Variants in SLC36A3 observed in about 807,000 individuals in gnomAD.
The protein encoded by SLC36A3 is proton-coupled amino acid transporter 3.
Under a neutral mutation model 44.3 loss-of-function variants are expected in SLC36A3, and 35 were observed. The ratio of observed to expected loss-of-function variants is 0.79; its 90% confidence interval spans 0.60 to 1.05. The LOEUF is 1.05. Ranked by LOEUF, SLC36A3 falls within the 50% of genes least tolerant of loss-of-function variation. The probability of loss-of-function intolerance (pLI) is 0.00; values close to 1 mark genes in which losing one functional copy is unlikely to be tolerated. For synonymous variants in SLC36A3, 211 were observed against 227.6 expected, an observed-to-expected ratio of 0.93 and a Z score of 0.66; for missense variants, 540 against 578.7, an observed-to-expected ratio of 0.93 and a Z score of 0.69.
intron 2 of SLC36A3, chr5:151,297,517 T>C (rs182451609): frequency 6.6e-6 from 1 of 152,342 alleles, no homozygotes; most frequent in East Asian, 1.9e-4. Flanking sequence ...AATGGAATTA[T>C]ATATTTGGTA....
In SLC36A3 at chr5:151,303,462, C is replaced by T; in HGVS notation, c.-108G>A. 7.8e-7 allele frequency: 1 copy of T among 1,276,606 alleles called. No homozygotes were observed. The highest frequency in any genetic ancestry group is 1.1e-6 in the Non-Finnish European group (1 of 920,404). 79.1% of individuals were successfully genotyped at this position (1,276,606 alleles called of 1,614,324 possible). A position where few individuals can be genotyped will look rare whatever the true frequency, so the allele number is the denominator to read the frequency against. On this transcript the variant is annotated 5_prime_UTR_variant, in exon 1 of 10. Coordinates refer to ENST00000335230, the MANE Select transcript of SLC36A3 (RefSeq NM_181774.4). Reference sequence around the variant, plus strand: ...TGGCTGCTGACCTGAGATGCTGGCTCCTAACCCCAAGGATGCGTGCTGCTG... The same window carrying T: ...TGGCTGCTGACCTGAGATGCTGGCTTCTAACCCCAAGGATGCGTGCTGCTG...
At position 151,293,350 on chromosome 5, in the gene SLC36A3, T is replaced by C. The variant is rs546200249; in HGVS notation, c.404+14A>G. 3.7e-6 allele frequency: 6 copies of C among 1,604,896 alleles called. No homozygotes were observed. The South Asian group carries it at 6.7e-5, about 18-fold the overall frequency. On this transcript the variant is annotated intron_variant, in intron 4 of 9. Transcript: ENST00000335230. ...GATTTTTGTTGTTACTACTACAACATCTGTGACTACTACCTTCCCCACACT... is the reference window on the plus strand; with the variant it reads ...GATTTTTGTTGTTACTACTACAACACCTGTGACTACTACCTTCCCCACACT...
In SLC36A3 at chr5:151,303,253, G is replaced by C. The variant is rs1435985673; in HGVS notation, c.102C>G (p.Val34=). ...ESSSSITSEN[V]HPAGEAGLSM... Reference sequence around the variant, plus strand: ...ATAGTCCAGCTTCTCCAGCAGGATGGACATTCTCTGAAGTAATGCTACTGC... The same window carrying C: ...ATAGTCCAGCTTCTCCAGCAGGATGCACATTCTCTGAAGTAATGCTACTGC... The change falls in exon 1 of 10, where the codon GTC becomes GTG. Residue 34 remains valine (V), a synonymous_variant. Coordinates refer to ENST00000335230, the MANE Select transcript of SLC36A3 (RefSeq NM_181774.4). The C allele has an allele frequency of 6.2e-7, 1 of 1,613,838 alleles. No individual in the cohort carries two copies. Among genetic ancestry groups the C allele is most frequent in the Admixed American group, 1.7e-5 (1 of 59,982 alleles).
intron 3 of SLC36A3, among the ~76,000 whole-genome samples, chr5:151,293,826 T>C (rs190309): frequency 0.22 from 32,916 of 152,164 alleles, 3,769 homozygotes; most frequent in East Asian, 0.44. Flanking sequence ...TTCCCATTGC[T>C]GATGGTGTCA....
intron 9 of SLC36A3, among the ~76,000 whole-genome samples, chr5:151,278,929 C>G (rs1754205579): frequency 6.6e-6 from 1 of 152,244 alleles, no homozygotes; most frequent in South Asian, 2.1e-4. Flanking sequence ...ACGCTCCATT[C>G]TGGTCATGCC....
At chr5:151,287,606 A>G in intron 5 of SLC36A3, 142 bp from the exon 6 acceptor site, 1 of 777,726 alleles carries the variant, frequency 1.3e-6, no homozygotes, top group South Asian at 1.9e-5. Flanking sequence ...ATAGTAAAAC[A>G]AAATCACTAC....
rs778228841 is a variant in SLC36A3 at position 151,291,854 on chromosome 5, T to TTTTG, written c.404+1506_404+1509dup. ...CCATTGCCTCCATGGAATGGGCAGC[T>TTTTG]TTTGTTTGTTTGTTTGTTTGTTTTG... On this transcript the variant is annotated intron_variant, in intron 4 of 9. Transcript: ENST00000335230. Among the ~76,000 whole-genome samples the TTTTG allele has an allele frequency of 4.6e-5, 7 of 152,194 alleles. No homozygotes were observed. In the East Asian group the frequency reaches 5.8e-4, roughly 13 times the overall value.
chr5:151,284,524 A>G (rs1202959435), intron 7 of SLC36A3, 89 bp downstream of exon 7: 21 of 1,054,526 alleles, frequency 2.0e-5, no homozygotes, highest in Admixed American at 4.6e-5. Context: ...GCACCTTTTC[A>G]TAAATACTAT....
At chr5:151,282,255 G>A (rs559161693) in intron 8 of SLC36A3, among the ~76,000 whole-genome samples, 5 of 150,750 alleles carry the variant, frequency 3.3e-5, no homozygotes, top group South Asian at 4.2e-4. Flanking sequence ...CACAACTTCC[G>A]CCTCCTGGAT....
chr5:151,284,321 A>G (rs982745719), intron 7 of SLC36A3, 111 bp from the exon 8 acceptor site: 1 of 1,106,184 alleles, frequency 9.0e-7, no homozygotes, highest in Non-Finnish European at 1.3e-6. Context: ...TGGGCCCAGT[A>G]TCAGAAAGGG....
In SLC36A3 at chr5:151,288,385, CCTGTT is replaced by C. The variant is rs1754626473; in HGVS notation, c.485_489del (p.Gln162HisfsTer69). 6.3e-7 allele frequency: 1 copy of C among 1,596,538 alleles called. No individual in the cohort carries two copies. The highest frequency in any genetic ancestry group is 8.5e-7 in the Non-Finnish European group (1 of 1,171,370). Reference sequence around the variant, plus strand: ...ACTCTGCCCAGAAGAGGGCTCTTTACCTGTTGTAAATTGTCTGCCATAAACATAAA... The same window carrying C: ...ACTCTGCCCAGAAGAGGGCTCTTTACGTAAATTGTCTGCCATAAACATAAA... On this transcript the variant is annotated frameshift_variant and splice_region_variant, in exon 5 of 10. Transcript: ENST00000335230. LOFTEE classifies it high-confidence loss of function.
rs768483360 is a variant in SLC36A3, at chr5:151,284,048, A to G, written c.970T>C (p.Cys324Arg). 20 of 1,610,328 alleles carry G rather than the reference A, an allele frequency of 1.2e-5. No individual in the cohort carries two copies. In the South Asian group the frequency reaches 2.1e-4, roughly 17 times the overall value. The change falls in exon 8 of 10, where the codon TGC becomes CGC. Residue 324 changes from cysteine to arginine, a missense_variant. Physicochemically the swap from Cys to Arg is radical, Grantham distance 180. Coordinates refer to ENST00000335230, the MANE Select transcript of SLC36A3 (RefSeq NM_181774.4). ...QASITLNLPN[C>R]WLYQSVKLMY... is the part of the protein sequence containing the mutation. ...CCTGAGGTGGGCAGGACATACCAGC[A>G]ATTGGGCAAGTTGAGGGTGATGCTG...
intron 1 of SLC36A3, among the ~76,000 whole-genome samples, chr5:151,300,123 G>A (rs564104666): frequency 5.0e-4 from 76 of 152,364 alleles, no homozygotes; most frequent in African/African-American, 1.8e-3. Context: ...GGCTAAGACA[G>A]AGAATGCCCT....
intron 5 of SLC36A3, 54 bp from the exon 6 acceptor site, chr5:151,287,518 C>T: frequency 1.3e-6 from 2 of 1,525,804 alleles, no homozygotes; most frequent in Non-Finnish European, 1.8e-6. Flanking sequence ...ACACAGGACA[C>T]CAATTACATT....
intron 3 of SLC36A3, among the ~76,000 whole-genome samples, chr5:151,295,974 C>A (rs1754944688): frequency 6.6e-6 from 1 of 152,198 alleles, no homozygotes; most frequent in Non-Finnish European, 1.5e-5. Flanking sequence ...TGACAGTCAT[C>A]CAGCTTGTTA....
chr5:151,277,012 C>T lies in SLC36A3; in HGVS notation c.*381G>A. On this transcript the variant is annotated 3_prime_UTR_variant, in exon 10 of 10. Coordinates refer to ENST00000335230, the MANE Select transcript of SLC36A3 (RefSeq NM_181774.4). ...TAGAAAACTCCCTTCGCCCAACATA[C>T]ACTTTTCTAAATCTGATGCTTTAAG... 1 of 202,082 alleles carries T rather than the reference C, an allele frequency of 4.9e-6. No individual in the cohort carries two copies. The highest frequency in any genetic ancestry group is 1.0e-5 in the Non-Finnish European group (1 of 98,142). The allele number at this position is 202,082 out of a possible 1,614,324, so 12.5% of individuals were successfully genotyped here. A position where few individuals can be genotyped will look rare whatever the true frequency, so the allele number is the denominator to read the frequency against.
chr5:151,299,920 A>G (rs1056169868), intron 1 of SLC36A3, among the ~76,000 whole-genome samples: 3 of 152,130 alleles, frequency 2.0e-5, no homozygotes, highest in Non-Finnish European at 2.9e-5. Flanking sequence ...CATCATCATC[A>G]TCCTCACTGC....
chr5:151,277,352 G>A lies in SLC36A3; in HGVS notation c.*41C>T. ...AACATCCACATGGAAGTCAAACTGG[G>A]GATGGGAGGAAGGGAGAGCTATTAG... On this transcript the variant is annotated 3_prime_UTR_variant, in exon 10 of 10. Coordinates refer to ENST00000335230, the MANE Select transcript of SLC36A3 (RefSeq NM_181774.4). 1 of 1,605,902 alleles carries A rather than the reference G, an allele frequency of 6.2e-7. No homozygotes were observed. The highest frequency in any genetic ancestry group is 8.5e-7 in the Non-Finnish European group (1 of 1,174,144).
At chr5:151,294,220 T>C (rs941894831) in intron 3 of SLC36A3, among the ~76,000 whole-genome samples, 6 of 152,150 alleles carry the variant, frequency 3.9e-5, no homozygotes, top group African/African-American at 1.4e-4. Context: ...AGTCTGGATT[T>C]TGGGGGAAGA....
Sources: gnomAD v4.1 joint callset for allele counts (sites outside exome capture counted in the v4.1 genomes callset) on GRCh38, gnomAD v4.1.1 for gene constraint, MANE v1.5 for transcripts, NCBI Gene and HGNC (gene_info 2026-07-23, HGNC 2026-07-21) for gene names.